FAM135A: variants seen among roughly 807,000 people sequenced by gnomAD.
FAM135A encodes the protein family with sequence similarity 135 member A.
Under a neutral mutation model 146.8 loss-of-function variants are expected in FAM135A, and 79 were observed. That is an observed-to-expected ratio of 0.54 (90% CI 0.45 to 0.65). FAM135A has a LOEUF of 0.65. FAM135A is among the 30% of genes least tolerant of loss of function. The pLI is 0.00. For synonymous variants in FAM135A, 562 were observed against 603.6 expected, an observed-to-expected ratio of 0.93 and a Z score of 1.01; for missense variants, 1,623 against 1,758.2, an observed-to-expected ratio of 0.92 and a Z score of 1.38.
intron 1 of FAM135A, chr6:70,413,966 C>G (rs868659245): frequency 1.0e-6 from 1 of 985,576 alleles, no homozygotes; most frequent in Non-Finnish European, 1.2e-6. Context: ...CGCCCCTGCC[C>G]CTGCGCGCGT....
rs1794341564 is a variant in FAM135A at position 70,524,836 on chromosome 6, A to G, written c.1752A>G (p.Glu584=). The change falls in exon 15 of 22, where the codon GAA becomes GAG. Residue 584 remains glutamate, a synonymous_variant. Transcript: ENST00000418814. ...TGCCAACTAATACAGAGAGAACTGA[A>G]CAAAAGTCTCCAGATATTGAAAATG... ...SCLPTNTERT[E]QKSPDIENVQ... is the part of the protein sequence containing the mutation. The G allele has an allele frequency of 2.5e-6, 4 of 1,581,794 alleles. No individual in the cohort carries two copies. The highest frequency in any genetic ancestry group is 3.4e-6 in the Non-Finnish European group (4 of 1,163,070).
intron 5 of FAM135A, among the ~76,000 whole-genome samples, chr6:70,473,808 C>A (rs1417888685): frequency 6.6e-6 from 1 of 152,152 alleles, no homozygotes; most frequent in African/African-American, 2.4e-5. Context: ...CTGCTGCCCA[C>A]CGCCTTCTTG....
At chr6:70,491,168 A>T in intron 11 of FAM135A, 85 bp downstream of exon 11, 1 of 1,146,708 alleles carries the variant, frequency 8.7e-7, no homozygotes, top group Non-Finnish European at 1.3e-6. Flanking sequence ...ATGAAAACTT[A>T]AAGTATTTAT....
chr6:70,511,637 G>C (rs754966812), intron 12 of FAM135A, among the ~76,000 whole-genome samples: 17 of 151,838 alleles, frequency 1.1e-4, no homozygotes, highest in Non-Finnish European at 2.1e-4. Flanking sequence ...GGAGATCTAG[G>C]TTGTATAAAC....
intron 10 of FAM135A, among the ~76,000 whole-genome samples, chr6:70,486,955 C>T (rs1437049466): frequency 6.6e-6 from 1 of 151,190 alleles, no homozygotes; most frequent in Admixed American, 6.6e-5. Context: ...GTTTTCTGCA[C>T]TGCAGAAATA....
At chr6:70,551,600 C>A (rs961798453) in intron 20 of FAM135A, among the ~76,000 whole-genome samples, 4 of 152,120 alleles carry the variant, frequency 2.6e-5, no homozygotes, top group African/African-American at 4.8e-5. Context: ...CAGAGTGAGA[C>A]CCTGTCTCAA....
intron 5 of FAM135A, among the ~76,000 whole-genome samples, chr6:70,464,396 C>T (rs1392542615): frequency 6.6e-6 from 1 of 152,064 alleles, no homozygotes; most frequent in East Asian, 1.9e-4. Flanking sequence ...TTATGACTGC[C>T]TACTATGTGT....
intron 5 of FAM135A, among the ~76,000 whole-genome samples, chr6:70,455,938 G>A (rs1270766699): frequency 1.3e-5 from 2 of 152,108 alleles, no homozygotes; most frequent in Non-Finnish European, 1.5e-5. Context: ...TGCAACCTCC[G>A]CCTGCCGGGT....
chr6:70,459,772 G>A (rs1779063833), intron 5 of FAM135A, among the ~76,000 whole-genome samples: 1 of 152,174 alleles, frequency 6.6e-6, no homozygotes, highest in African/African-American at 2.4e-5. Flanking sequence ...GCTCATGCCT[G>A]TAATCACAGC....
chr6:70,515,668 G>C (rs1792034095), intron 12 of FAM135A, among the ~76,000 whole-genome samples: 1 of 152,110 alleles, frequency 6.6e-6, no homozygotes, highest in South Asian at 2.1e-4. Context: ...TATTCTGTAT[G>C]ATACTGTAAT....
chr6:70,433,241 A>G (rs1772120062), intron 4 of FAM135A, among the ~76,000 whole-genome samples: 1 of 151,856 alleles, frequency 6.6e-6, no homozygotes, highest in Non-Finnish European at 1.5e-5. Flanking sequence ...CACCCAGCTA[A>G]TTTTTTGTAT....
intron 10 of FAM135A, 123 bp downstream of exon 10, chr6:70,482,277 TCTCTA>T (rs1783874075): frequency 2.3e-6 from 2 of 870,360 alleles, no homozygotes; most frequent in Non-Finnish European, 3.2e-6. Flanking sequence ...GTGCTTCACT[TCTCTA>T]TCAATTCCAT....
intron 5 of FAM135A, among the ~76,000 whole-genome samples, chr6:70,452,806 A>C (rs1439897290): frequency 2.0e-5 from 3 of 152,214 alleles, no homozygotes; most frequent in Non-Finnish European, 4.4e-5. Flanking sequence ...GTTTCATGAA[A>C]ACAAATGTAG....
chr6:70,461,515 G>A (rs796153560), intron 5 of FAM135A, among the ~76,000 whole-genome samples: 7 of 152,106 alleles, frequency 4.6e-5, no homozygotes, highest in African/African-American at 1.7e-4. Context: ...CTATTATATA[G>A]CAAGTAATGA....
chr6:70,463,094 T>G (rs1051822712), intron 5 of FAM135A, among the ~76,000 whole-genome samples: 8 of 152,196 alleles, frequency 5.3e-5, no homozygotes, highest in Non-Finnish European at 1.2e-4. Context: ...ACCATTCTTG[T>G]GGATTCAATG....
intron 20 of FAM135A, among the ~76,000 whole-genome samples, chr6:70,550,583 G>A (rs1369075719): frequency 6.6e-6 from 1 of 152,210 alleles, no homozygotes; most frequent in African/African-American, 2.4e-5. Flanking sequence ...AACCCATGCT[G>A]TAAACAGATG....
intron 1 of FAM135A, among the ~76,000 whole-genome samples, chr6:70,414,501 A>G (rs1767086174): frequency 6.7e-6 from 1 of 149,794 alleles, no homozygotes; most frequent in Non-Finnish European, 1.5e-5. Flanking sequence ...TTCCCCTCCA[A>G]AACTCTTCCA....
Position 70,525,132 on chromosome 6 carries a change from G to T in FAM135A, c.2048G>T (p.Arg683Leu), listed in dbSNP as rs150817690. 1 of 1,566,976 alleles carries T rather than the reference G, an allele frequency of 6.4e-7. No homozygotes were observed. Among genetic ancestry groups the T allele is most frequent in the Admixed American group, 2.0e-5 (1 of 50,922 alleles). ...AAACTAGGACCTTGGACAGAGCTTC[G>T]ACAAGAGGAAATACTTGTGGATAAT... ...TVKLGPWTEL[R>L]QEEILVDNLL... Residue 683 changes from arginine (R) to leucine (L), a missense_variant, in exon 15 of 22, where the codon CGA becomes CTA. By Grantham distance (102) the Arg-to-Leu change is moderately radical. Transcript: ENST00000418814.
intron 5 of FAM135A, among the ~76,000 whole-genome samples, chr6:70,457,306 A>G (rs1211882880): frequency 6.6e-6 from 1 of 152,158 alleles, no homozygotes; most frequent in Non-Finnish European, 1.5e-5. Flanking sequence ...TTATTATTAT[A>G]TTTGATAGTG....
Sources: gnomAD v4.1 joint callset for allele counts (sites outside exome capture counted in the v4.1 genomes callset) on GRCh38, gnomAD v4.1.1 for gene constraint, MANE v1.5 for transcripts, NCBI Gene and HGNC (gene_info 2026-07-23, HGNC 2026-07-21) for gene names.